FOCAD: variants seen among roughly 807,000 people sequenced by gnomAD.
FOCAD encodes KIAA1797.
FOCAD carries 198 observed loss-of-function variants against 225.6 expected under a neutral mutation model. The observed-to-expected ratio is 0.88, with a 90% confidence interval of 0.78 to 0.99. FOCAD has a LOEUF of 0.99. Among genes scored for constraint, FOCAD ranks in the 50% least tolerant of loss-of-function variants. The probability of loss-of-function intolerance (pLI) is 0.00; values close to 1 mark genes in which losing one functional copy is unlikely to be tolerated. For missense variants in FOCAD, 2,713 were observed against 2,123.6 expected (o/e 1.28, Z -5.46); for synonymous variants, 897 against 755.0 (o/e 1.19, Z -3.08).
intron 24 of FOCAD, 72 bp downstream of exon 24, chr9:20,917,009 C>A: frequency 8.5e-7 from 1 of 1,175,330 alleles, no homozygotes; most frequent in South Asian, 1.5e-5. Flanking sequence ...TACATTTTCT[C>A]CTTTTAGGGC....
At chr9:20,742,115 A>G (rs980915968) in intron 5 of FOCAD, among the ~76,000 whole-genome samples, 1 of 152,188 alleles carries the variant, frequency 6.6e-6, no homozygotes, top group Non-Finnish European at 1.5e-5. Context: ...CCGTCACTCC[A>G]TATTTTCTCC....
intron 19 of FOCAD, chr9:20,875,534 C>T (rs966700270): frequency 6.7e-6 from 1 of 149,860 alleles, no homozygotes; most frequent in Non-Finnish European, 1.5e-5. Context: ...GTGGAGGTTG[C>T]AGGGAGCTGG....
intron 11 of FOCAD, among the ~76,000 whole-genome samples, chr9:20,799,771 A>G (rs1038669550): frequency 1.1e-4 from 16 of 152,098 alleles, no homozygotes; most frequent in African/African-American, 3.9e-4. Flanking sequence ...TCCTGAGTAC[A>G]GCACACTGAT....
At chr9:20,762,184 A>T (rs1230921650) in intron 6 of FOCAD, among the ~76,000 whole-genome samples, 1 of 152,212 alleles carries the variant, frequency 6.6e-6, no homozygotes, top group Non-Finnish European at 1.5e-5. Context: ...TGGGGAATAC[A>T]TTATTAAAGA....
chr9:20,812,652 G>A (rs1203076999), intron 11 of FOCAD, among the ~76,000 whole-genome samples: 1 of 151,886 alleles, frequency 6.6e-6, no homozygotes, highest in Non-Finnish European at 1.5e-5. Context: ...CTTTGTTTCT[G>A]TTATAGATGG....
intron 21 of FOCAD, among the ~76,000 whole-genome samples, chr9:20,898,195 A>G (rs184932430): frequency 6.6e-6 from 1 of 151,982 alleles, no homozygotes; most frequent in Non-Finnish European, 1.5e-5. Flanking sequence ...GTTTAAATAC[A>G]ATATACAAAT....
At chr9:20,928,848 G>A (rs1421057015) in intron 26 of FOCAD, 1 of 152,296 alleles carries the variant, frequency 6.6e-6, no homozygotes, top group Non-Finnish European at 1.5e-5. Context: ...TGTGCCAATA[G>A]ATCCCTGTGC....
chr9:20,690,851 T>C (rs190767093), intron 1 of FOCAD, among the ~76,000 whole-genome samples: 2 of 152,022 alleles, frequency 1.3e-5, no homozygotes, highest in East Asian at 3.9e-4. Flanking sequence ...GCCCTTTCAT[T>C]TTCCTAAATC....
chr9:20,838,048 C>G (rs1826163415), intron 15 of FOCAD, among the ~76,000 whole-genome samples: 1 of 152,104 alleles, frequency 6.6e-6, no homozygotes, highest in South Asian at 2.1e-4. Context: ...GAAAGCCTCA[C>G]TAGCATGCAT....
intron 21 of FOCAD, among the ~76,000 whole-genome samples, chr9:20,888,139 C>CT (rs1377523100): frequency 0.017 from 793 of 45,618 alleles, 12 homozygotes; most frequent in African/African-American, 0.036. Context: ...TTTTTTTCTT[C>CT]TTTTTTTTTT....
chr9:20,869,589 G>A (rs1394168648), intron 18 of FOCAD, among the ~76,000 whole-genome samples: 2 of 152,098 alleles, frequency 1.3e-5, no homozygotes, highest in African/African-American at 2.4e-5. Context: ...GTAATGTACT[G>A]GATAGATGGT....
chr9:20,925,189 G>C (rs1834824426), intron 25 of FOCAD, among the ~76,000 whole-genome samples: 1 of 152,188 alleles, frequency 6.6e-6, no homozygotes, highest in African/African-American at 2.4e-5. Flanking sequence ...AAATTTTATA[G>C]AGAGGAAATG....
At chr9:20,725,633 A>G (rs1038330532) in intron 4 of FOCAD, among the ~76,000 whole-genome samples, 3 of 149,132 alleles carry the variant, frequency 2.0e-5, no homozygotes, top group South Asian at 4.1e-4. Context: ...AGTCTAGTCT[A>G]TAAAATTCCT....
chr9:20,796,729 G>T (rs1481158962), intron 11 of FOCAD, among the ~76,000 whole-genome samples: 1 of 152,124 alleles, frequency 6.6e-6, no homozygotes, highest in East Asian at 1.9e-4. Flanking sequence ...TTTGTCAGAT[G>T]AGTAGATTGC....
intron 19 of FOCAD, among the ~76,000 whole-genome samples, chr9:20,878,625 T>C (rs961101047): frequency 6.6e-6 from 1 of 152,184 alleles, no homozygotes; most frequent in Non-Finnish European, 1.5e-5. Context: ...ACCAAATCTA[T>C]TTTAGTCACA....
chr9:20,678,766 A>G (rs1822311602), intron 2 of FOCAD, among the ~76,000 whole-genome samples: 6 of 152,186 alleles, frequency 3.9e-5, no homozygotes. Flanking sequence ...GTGTTTTGTA[A>G]CTACACTCTC....
chr9:20,976,671 A>G, intron 36 of FOCAD, 123 bp downstream of exon 36: 3 of 1,056,550 alleles, frequency 2.8e-6, no homozygotes, highest in Non-Finnish European at 4.2e-6. Flanking sequence ...GAGGTTTGTC[A>G]TGTTGGATGG....
At chr9:20,709,891 A>G (rs1587290450) in intron 1 of FOCAD, among the ~76,000 whole-genome samples, 1 of 152,316 alleles carries the variant, frequency 6.6e-6, no homozygotes, top group East Asian at 1.9e-4. Context: ...GGTAATTTAG[A>G]TAAAAACAAC....
At chr9:20,749,019 G>T (rs1828308380) in intron 5 of FOCAD, among the ~76,000 whole-genome samples, 1 of 152,038 alleles carries the variant, frequency 6.6e-6, no homozygotes, top group Non-Finnish European at 1.5e-5. Flanking sequence ...TTGTCTCTAG[G>T]TGTTTTTTTT....
Sources: gnomAD v4.1 joint callset for allele counts (sites outside exome capture counted in the v4.1 genomes callset) on GRCh38, gnomAD v4.1.1 for gene constraint, MANE v1.5 for transcripts, NCBI Gene and HGNC (gene_info 2026-07-23, HGNC 2026-07-21) for gene names.